Variants in MTBP observed in about 807,000 individuals in gnomAD.
MTBP encodes mdm2-binding protein.
MTBP carries 101 observed loss-of-function variants against 117.0 expected under a neutral mutation model. The observed-to-expected ratio is 0.86, with a 90% CI of 0.73 to 1.02. MTBP has a LOEUF of 1.02. Ranked by LOEUF, MTBP falls within the 50% of genes least tolerant of loss-of-function variation. The pLI, the probability that MTBP is intolerant of heterozygous loss-of-function variation, is 0.00. For synonymous variants in MTBP, 350 were observed against 351.5 expected, an observed-to-expected ratio of 1.00 and a Z score of 0.05; for missense variants, 970 against 1,030.9, an observed-to-expected ratio of 0.94 and a Z score of 0.81.
At chr8:120,470,307 C>T (rs1164073725) in intron 10 of MTBP, among the ~76,000 whole-genome samples, 1 of 152,176 alleles carries the variant, frequency 6.6e-6, no homozygotes, top group African/African-American at 2.4e-5. Context: ...TCATTGTCTT[C>T]TCCTCAGTTT....
chr8:120,461,908 G>A (rs1330499010), intron 9 of MTBP, among the ~76,000 whole-genome samples: 1 of 152,138 alleles, frequency 6.6e-6, no homozygotes, highest in Non-Finnish European at 1.5e-5. Flanking sequence ...TTTGGATTAT[G>A]TCAGCCTAAA....
At chr8:120,471,291 AT>A (rs1813811524) in intron 11 of MTBP, 1 of 160,602 alleles carries the variant, frequency 6.2e-6, no homozygotes, top group African/African-American at 2.4e-5. Context: ...TTTTGAAGAA[AT>A]TAGTAGAAGT....
At chr8:120,496,152 C>G (rs1424299531) in intron 13 of MTBP, among the ~76,000 whole-genome samples, 3 of 152,140 alleles carry the variant, frequency 2.0e-5, no homozygotes, top group Non-Finnish European at 4.4e-5. Context: ...GCAGACCAAC[C>G]CTGCAGCAGA....
At chr8:120,466,842 C>T (rs549742763) in intron 10 of MTBP, among the ~76,000 whole-genome samples, 20 of 152,182 alleles carry the variant, frequency 1.3e-4, no homozygotes, top group Non-Finnish European at 1.6e-4. Flanking sequence ...CCACTGTACT[C>T]GAGCCTGGGC....
At chr8:120,446,621 A>C in intron 2 of MTBP, 108 bp downstream of exon 2, 1 of 713,146 alleles carries the variant, frequency 1.4e-6, no homozygotes, top group South Asian at 1.7e-5. Flanking sequence ...GACTGTGTAC[A>C]AGGCACTGAG....
At chr8:120,459,652 A>G (rs1813543418) in intron 8 of MTBP, among the ~76,000 whole-genome samples, 2 of 152,172 alleles carry the variant, frequency 1.3e-5, no homozygotes, top group African/African-American at 4.8e-5. Context: ...AATATGACAT[A>G]GAGAAAAGAG....
intron 9 of MTBP, 143 bp downstream of exon 9, chr8:120,461,398 T>C (rs1813580523): frequency 1.7e-6 from 1 of 597,340 alleles, no homozygotes; most frequent in Non-Finnish European, 2.8e-6. Context: ...AGTAGGCTGC[T>C]GGACTCCTTA....
chr8:120,493,319 A>T (rs2130588678), intron 13 of MTBP, among the ~76,000 whole-genome samples: 1 of 152,260 alleles, frequency 6.6e-6, no homozygotes, highest in East Asian at 1.9e-4. Context: ...TATCCTGCTC[A>T]TAACTTGTAA....
chr8:120,497,154 T>C (rs1814483577), intron 13 of MTBP, among the ~76,000 whole-genome samples: 1 of 152,220 alleles, frequency 6.6e-6, no homozygotes, highest in African/African-American at 2.4e-5. Context: ...AAACCTGCCT[T>C]TATCTGTTAT....
chr8:120,492,654 A>C (rs182460966), intron 13 of MTBP, among the ~76,000 whole-genome samples: 1 of 152,332 alleles, frequency 6.6e-6, no homozygotes, highest in Admixed American at 6.5e-5. Flanking sequence ...TAAATTAGAA[A>C]GAATAGCTAG....
intron 15 of MTBP, 52 bp downstream of exon 15, chr8:120,502,661 A>G: frequency 9.1e-7 from 1 of 1,096,696 alleles, no homozygotes; most frequent in South Asian, 1.5e-5. Flanking sequence ...ATTTGAATGA[A>G]TTTTTTAAAA....
Position 120,470,727 on chromosome 8 carries a change from A to G in MTBP, c.1048-93A>G, listed in dbSNP as rs1183110472. ...GAGGGCATTACTAAATGCATGTTAC[A>G]TTGGTGAAATATGAGTGGAAAATTG... On this transcript the variant is annotated intron_variant, in intron 10 of 21. Transcript: ENST00000305949. The G allele has an allele frequency of 3.9e-5, 35 of 901,494 alleles. No homozygotes were observed. In the East Asian group the frequency reaches 8.8e-4, roughly 23 times the overall value. The allele number at this position is 901,494 out of a possible 1,614,324, so 55.8% of individuals were successfully genotyped here.
chr8:120,503,266 T>C (rs1814621266), intron 15 of MTBP, among the ~76,000 whole-genome samples: 2 of 152,200 alleles, frequency 1.3e-5, no homozygotes, highest in Admixed American at 1.3e-4. Context: ...GTACCAACCA[T>C]GTGTCAGGCG....
At chr8:120,453,952 C>A in intron 5 of MTBP, 47 bp downstream of exon 5, 1 of 1,071,908 alleles carries the variant, frequency 9.3e-7, no homozygotes, top group African/African-American at 1.6e-5. Context: ...TATCTTATTA[C>A]ACTTTATGAA....
chr8:120,447,878 C>T lies in MTBP; in HGVS notation c.199+1365C>T, dbSNP rs375866984. Among the ~76,000 whole-genome samples the T allele has an allele frequency of 5.1e-5, 6 of 117,100 alleles. 1 individual carries two copies. The highest frequency in any genetic ancestry group is 1.7e-4 in the Admixed American group (2 of 11,746). 76.8% of individuals were successfully genotyped at this position (117,100 alleles called of 152,430 possible). ...ATACAGAATGAACATCTTTTATTGG[C>T]GAATTATCATATTCCAGTTGTATCA... On this transcript the variant is annotated intron_variant, in intron 2 of 21. Transcript: ENST00000305949.
chr8:120,512,817 A>G (rs1814840929), intron 17 of MTBP, among the ~76,000 whole-genome samples: 1 of 152,104 alleles, frequency 6.6e-6, no homozygotes, highest in Admixed American at 6.5e-5. Context: ...TGTTTTTTTC[A>G]AGAAGATTTG....
chr8:120,521,861 C>T (rs1815013022), intron 20 of MTBP, among the ~76,000 whole-genome samples: 1 of 98,238 alleles, frequency 1.0e-5, no homozygotes, highest in South Asian at 3.5e-4. Context: ...AGTGGATGCT[C>T]ACGGTGGAGG....
At chr8:120,448,896 G>T (rs553092990) in intron 2 of MTBP, among the ~76,000 whole-genome samples, 1 of 152,258 alleles carries the variant, frequency 6.6e-6, no homozygotes, top group Non-Finnish European at 1.5e-5. Context: ...ATTATAATTG[G>T]GATAAGGGTG....
chr8:120,519,810 A>G (rs1255247737), intron 20 of MTBP, among the ~76,000 whole-genome samples: 1 of 152,130 alleles, frequency 6.6e-6, no homozygotes, highest in Non-Finnish European at 1.5e-5. Flanking sequence ...CCATGTAGAA[A>G]GCAGGGAAGT....
Sources: gnomAD v4.1 joint callset for allele counts (sites outside exome capture counted in the v4.1 genomes callset) on GRCh38, gnomAD v4.1.1 for gene constraint, MANE v1.5 for transcripts, NCBI Gene and HGNC (gene_info 2026-07-23, HGNC 2026-07-21) for gene names.